Variants in MYO10 observed in about 807,000 individuals in gnomAD.
MYO10 encodes the protein myosin X, also known as unconventional myosin-X.
A neutral mutation model predicts 257.3 loss-of-function variants in MYO10; 133 were observed. The ratio of observed to expected loss-of-function variants is 0.52; its 90% CI spans 0.45 to 0.60. The LOEUF (loss-of-function observed/expected upper bound fraction) is 0.60, where lower values mean the gene tolerates loss of function less well. MYO10 is among the 20% of genes least tolerant of loss of function. MYO10 has a pLI of 0.00. For synonymous variants in MYO10, 1,104 were observed against 1,028.6 expected (o/e 1.07, Z -1.40); for missense variants, 2,399 against 2,635.7 (o/e 0.91, Z 1.97).
At chr5:16,802,854 C>T (rs1742161315) in intron 3 of MYO10, among the ~76,000 whole-genome samples, 1 of 151,786 alleles carries the variant, frequency 6.6e-6, no homozygotes, top group African/African-American at 2.4e-5. Context: ...TGGTGGCTCA[C>T]GCCTGTTATC....
At chr5:16,913,297 G>A (rs1288377030) in intron 1 of MYO10, among the ~76,000 whole-genome samples, 1 of 152,136 alleles carries the variant, frequency 6.6e-6, no homozygotes, top group Non-Finnish European at 1.5e-5. Context: ...TTGAGTAATA[G>A]TCAAGTCTCC....
intron 2 of MYO10, among the ~76,000 whole-genome samples, chr5:16,839,541 G>A (rs1461351255): frequency 2.0e-5 from 3 of 152,158 alleles, no homozygotes; most frequent in South Asian, 2.1e-4. Flanking sequence ...CCAGGAGTTC[G>A]AGACCAGCCT....
In MYO10 at chr5:16,776,547, T is replaced by C. The variant is rs1051579014; in HGVS notation, c.930+2998A>G. On this transcript the variant is annotated intron_variant, in intron 9 of 40. Transcript: ENST00000513610. The stretch of plus-strand genomic sequence containing the variant: ...AGAATAAATTTGTTAGGTATGCTCA[T>C]TATGTCAATTTCATGTATAAATTTC... Among the ~76,000 whole-genome samples, 7 of 152,360 alleles carry C rather than the reference T, an allele frequency of 4.6e-5. No homozygotes were observed. The South Asian group carries it at 6.2e-4, about 14-fold the overall frequency.
intron 2 of MYO10, among the ~76,000 whole-genome samples, chr5:16,818,721 GA>G (rs1017922933): frequency 2.0e-5 from 3 of 151,954 alleles, no homozygotes. Flanking sequence ...TTACAGGCAT[GA>G]GCCACAGAGC....
chr5:16,667,157 T>A (rs1212801545), intron 40 of MYO10, among the ~76,000 whole-genome samples: 1 of 152,066 alleles, frequency 6.6e-6, no homozygotes, highest in Non-Finnish European at 1.5e-5. Context: ...AATGACAGAG[T>A]CCACAATTAC....
intron 3 of MYO10, among the ~76,000 whole-genome samples, chr5:16,812,773 C>T (rs1313194909): frequency 6.6e-6 from 1 of 151,900 alleles, no homozygotes; most frequent in African/African-American, 2.4e-5. Flanking sequence ...TTAAAACATC[C>T]CTGTTAAGAG....
At chr5:16,883,076 T>C (rs1308177007) in intron 1 of MYO10, among the ~76,000 whole-genome samples, 2 of 151,840 alleles carry the variant, frequency 1.3e-5, no homozygotes, top group Non-Finnish European at 2.9e-5. Flanking sequence ...CCACCACGCC[T>C]GGCTAATTTT....
chr5:16,826,267 A>G (rs1247825498), intron 2 of MYO10, among the ~76,000 whole-genome samples: 1 of 152,194 alleles, frequency 6.6e-6, no homozygotes, highest in Non-Finnish European at 1.5e-5. Context: ...TATGCTACCT[A>G]TAACTTAAGG....
intron 1 of MYO10, among the ~76,000 whole-genome samples, chr5:16,888,221 C>T (rs1311394600): frequency 2.6e-5 from 4 of 152,126 alleles, no homozygotes; most frequent in East Asian, 1.9e-4. Context: ...AAAGAGTGGA[C>T]GGCATGTAAA....
rs759276229 is a variant in MYO10 at position 16,701,961 on chromosome 5, TAGGTTGA to T, written c.2557-130_2557-124del. 4.9e-5 allele frequency: 56 copies of T among 1,145,612 alleles called. No homozygotes were observed. Among genetic ancestry groups the T allele is most frequent in the Non-Finnish European group, 6.6e-5 (55 of 829,922 alleles). The allele number at this position is 1,145,612 out of a possible 1,614,324, so 71.0% of individuals were successfully genotyped here. A position where few individuals can be genotyped will look rare whatever the true frequency, so the allele number is the denominator to read the frequency against. ...TTGGACTGTGTCCCCATAAAGTCTA[TAGGTTGA>T]AGTCCTAACCCCAATACTGCAGAAT... On this transcript the variant is annotated intron_variant, in intron 24 of 40. Coordinates refer to ENST00000513610, the MANE Select transcript of MYO10 (RefSeq NM_012334.3). The surrounding 1 kb of genome is among the most constrained non-coding windows in gnomAD (Gnocchi z 8.1).
At chr5:16,689,733 C>T in intron 28 of MYO10, 91 bp downstream of exon 28, 3 of 1,062,038 alleles carry the variant, frequency 2.8e-6, no homozygotes, top group Non-Finnish European at 4.3e-6. Context: ...TTTTTCAAGG[C>T]CAGTACAGTA....
chr5:16,857,620 G>C (rs182803967), intron 2 of MYO10, among the ~76,000 whole-genome samples: 2 of 152,284 alleles, frequency 1.3e-5, no homozygotes, highest in Admixed American at 1.3e-4. Context: ...GGTTTCACAG[G>C]TCTTCCAGGA....
chr5:16,702,566 C>T lies in MYO10; in HGVS notation c.2533G>A (p.Glu845Lys). The change falls in exon 24 of 41, where the codon GAA (glutamate) becomes AAA (lysine). Residue 845 changes from glutamate to lysine, a missense_variant. Physicochemically the swap from Glu to Lys is moderately conservative, Grantham distance 56. This residue lies in a region of MYO10 where 1,820 missense variants were observed against 1,939.4 expected (regional missense o/e 0.94). Transcript: ENST00000513610. Reference sequence around the variant, plus strand: ...ACCTGCTGGGCGCGGAGCTCGGCTTCTCTTCGCTCTCTCTCTCTTTCTCTA... The same window carrying T: ...ACCTGCTGGGCGCGGAGCTCGGCTTTTCTTCGCTCTCTCTCTCTTTCTCTA... ...EERERERERR[E>K]AELRAQQEEE... The T allele has an allele frequency of 6.3e-7, 1 of 1,588,946 alleles. No homozygotes were observed. The highest frequency in any genetic ancestry group is 1.2e-5 in the South Asian group (1 of 86,614).
chr5:16,919,794 T>C (rs1745930017), intron 1 of MYO10, among the ~76,000 whole-genome samples: 1 of 152,034 alleles, frequency 6.6e-6, no homozygotes, highest in Non-Finnish European at 1.5e-5. Flanking sequence ...CTGGCCAACA[T>C]GGAGAAACCC....
At position 16,823,447 on chromosome 5, in the gene MYO10, GC is replaced by G. The variant is rs1338015776; in HGVS notation, c.121-5281del. Among the ~76,000 whole-genome samples the G allele has an allele frequency of 5.0e-3, 35 of 7,050 alleles. 3 individuals carry two copies. The highest frequency in any genetic ancestry group is 0.014 in the African/African-American group (22 of 1,546). The allele number at this position is 7,050 out of a possible 152,430, so 4.6% of individuals were successfully genotyped here. On this transcript the variant is annotated intron_variant, in intron 2 of 40. Coordinates refer to ENST00000513610, the MANE Select transcript of MYO10 (RefSeq NM_012334.3). ...ATGACAGGGCAAGACTCCATCTTGC[GC>G]GGGGGGGGGGGGAGTGGGGATTTTT... is the stretch of plus-strand genomic sequence containing the variant.
Position 16,701,720 on chromosome 5 carries a change from C to G in MYO10, c.2675G>C (p.Arg892Pro). The change falls in exon 25 of 41, where the codon CGT becomes CCT. Residue 892 changes from arginine to proline, a missense_variant. Transcript: ENST00000513610. The surrounding 1 kb of genome is among the most constrained non-coding windows in gnomAD (Gnocchi z 8.1). ...KENKQVEEIL[R>P]LEKEIEDLQR... Reference sequence around the variant, plus strand: ...CAGGTCCTCGATTTCTTTCTCCAGACGGAGGATCTCTTCCACCTGCTTATT... The same window carrying G: ...CAGGTCCTCGATTTCTTTCTCCAGAGGGAGGATCTCTTCCACCTGCTTATT... 1 of 1,614,014 alleles carries G rather than the reference C, an allele frequency of 6.2e-7. No homozygotes were observed.
chr5:16,830,560 C>T (rs982713590), intron 2 of MYO10, among the ~76,000 whole-genome samples: 3 of 151,568 alleles, frequency 2.0e-5, no homozygotes, highest in African/African-American at 7.3e-5. Context: ...ATTTAGTGTG[C>T]AGAAAACAAT....
At chr5:16,760,666 G>C (rs552593055) in intron 17 of MYO10, among the ~76,000 whole-genome samples, 1 of 152,034 alleles carries the variant, frequency 6.6e-6, no homozygotes, top group Non-Finnish European at 1.5e-5. Context: ...TAGAGACACA[G>C]GAGTCCTATA....
chr5:16,700,491 AC>A, intron 25 of MYO10, among the ~76,000 whole-genome samples: 1 of 152,328 alleles, frequency 6.6e-6, no homozygotes, highest in South Asian at 2.1e-4. Context: ...AGCCTGGCCA[AC>A]ATGGTAAAAC....
Sources: allele counts gnomAD v4.1 joint callset (sites outside exome capture counted in the v4.1 genomes callset), GRCh38; gene constraint gnomAD v4.1.1; regional missense constraint gnomAD v4.1.1; non-coding constraint Gnocchi (gnomAD v3.1); transcripts MANE v1.5; gene names NCBI Gene and HGNC (gene_info 2026-07-23, HGNC 2026-07-21).